AGBL4: variants seen among roughly 807,000 people sequenced by gnomAD.
The protein encoded by AGBL4 is cytosolic carboxypeptidase 6.
A neutral mutation model predicts 66.4 loss-of-function variants in AGBL4; 58 were observed. The observed-to-expected ratio is 0.87, with a 90% CI of 0.71 to 1.09. The LOEUF (loss-of-function observed/expected upper bound fraction) is 1.09, where lower values mean the gene tolerates loss of function less well. AGBL4 is among the 50% of genes least tolerant of loss of function. The pLI, the probability that AGBL4 is intolerant of heterozygous loss-of-function variation, is 0.00. For missense variants in AGBL4, 579 were observed against 631.0 expected (o/e 0.92, Z 0.88); for synonymous variants, 234 against 222.9 (o/e 1.05, Z -0.44).
intron 3 of AGBL4, among the ~76,000 whole-genome samples, chr1:49,603,541 A>AATAAATAAATAT (rs1467760594): frequency 1.4e-5 from 2 of 141,712 alleles, no homozygotes; most frequent in Non-Finnish European, 3.2e-5. Flanking sequence ...TAAATAAATA[A>AATAAATAAATAT]ATAAATAAAT....
chr1:49,535,392 G>A (rs994597169), intron 3 of AGBL4, among the ~76,000 whole-genome samples: 1 of 147,644 alleles, frequency 6.8e-6, no homozygotes, highest in African/African-American at 2.5e-5. Flanking sequence ...AATAAGATAA[G>A]ATAAAAATAA....
chr1:49,383,260 C>T (rs1644662204), intron 3 of AGBL4, among the ~76,000 whole-genome samples: 1 of 152,040 alleles, frequency 6.6e-6, no homozygotes, highest in East Asian at 1.9e-4. Flanking sequence ...ATTGTGATCA[C>T]AATGACATTT....
At chr1:49,950,646 T>A (rs1656074884) in intron 1 of AGBL4, among the ~76,000 whole-genome samples, 1 of 150,198 alleles carries the variant, frequency 6.7e-6, no homozygotes, top group Admixed American at 6.7e-5. Flanking sequence ...ATAATGAAAG[T>A]TCAACGAAGA....
intron 3 of AGBL4, among the ~76,000 whole-genome samples, chr1:49,387,102 T>C (rs1308054883): frequency 6.6e-6 from 1 of 151,920 alleles, no homozygotes; most frequent in African/African-American, 2.4e-5. Context: ...CAAGTTCTAG[T>C]TCTGCTATAT....
intron 6 of AGBL4, among the ~76,000 whole-genome samples, chr1:48,786,632 T>C (rs75882223): frequency 0.025 from 3,792 of 152,314 alleles, 136 homozygotes; most frequent in African/African-American, 0.087. Context: ...GACTACATTA[T>C]CTGTGGTTTC....
At chr1:48,556,709 G>A (rs1644326539) in intron 11 of AGBL4, among the ~76,000 whole-genome samples, 1 of 152,166 alleles carries the variant, frequency 6.6e-6, no homozygotes. Flanking sequence ...GAGCCTCCTG[G>A]CACTCCTTCA....
At chr1:49,887,361 C>T (rs1045635080) in intron 1 of AGBL4, among the ~76,000 whole-genome samples, 8 of 151,392 alleles carry the variant, frequency 5.3e-5, no homozygotes, top group African/African-American at 1.9e-4. Flanking sequence ...AAAAAGGTAA[C>T]ATGATACAAA....
intron 5 of AGBL4, among the ~76,000 whole-genome samples, chr1:48,957,317 G>T (rs1406087943): frequency 1.3e-5 from 2 of 152,082 alleles, no homozygotes; most frequent in African/African-American, 4.8e-5. Flanking sequence ...TACAGCTCTA[G>T]TTCATGTATT....
chr1:49,849,856 T>A (rs1049573845), intron 2 of AGBL4, among the ~76,000 whole-genome samples: 17 of 152,124 alleles, frequency 1.1e-4, no homozygotes, highest in African/African-American at 4.1e-4. Flanking sequence ...AATCAAGACA[T>A]TTAATCTTTT....
intron 9 of AGBL4, among the ~76,000 whole-genome samples, chr1:48,602,660 C>T (rs1273489893): frequency 6.6e-6 from 1 of 152,100 alleles, no homozygotes; most frequent in African/African-American, 2.4e-5. Context: ...AAATTATGTA[C>T]TTTATCCTAG....
At chr1:49,327,465 T>G (rs956174418) in intron 3 of AGBL4, among the ~76,000 whole-genome samples, 7 of 152,204 alleles carry the variant, frequency 4.6e-5, no homozygotes, top group African/African-American at 1.7e-4. Context: ...TTATAAACAA[T>G]AGAATTTTAT....
intron 3 of AGBL4, among the ~76,000 whole-genome samples, chr1:49,683,220 G>A (rs548168515): frequency 6.6e-6 from 1 of 152,198 alleles, no homozygotes; most frequent in South Asian, 2.1e-4. Flanking sequence ...ATATCAGCCT[G>A]GGAAGAAAAT....
rs1262673394 is a variant in AGBL4, at chr1:49,097,490, T to C, written c.378-51690A>G. 2.0e-5 allele frequency among the ~76,000 whole-genome samples: 3 copies of C among 152,192 alleles called. No homozygotes were observed. The East Asian group carries it at 5.8e-4, about 29-fold the overall frequency. ...ATACTTAATTTAAAAAAACCAGTGTTCTGATTCACTGATGCACCTGGACTC... is the reference window on the plus strand; with the variant it reads ...ATACTTAATTTAAAAAAACCAGTGTCCTGATTCACTGATGCACCTGGACTC... On this transcript the variant is annotated intron_variant, in intron 4 of 13. Transcript: ENST00000371839.
chr1:49,243,877 T>C (rs1651429308), intron 4 of AGBL4, among the ~76,000 whole-genome samples: 1 of 151,764 alleles, frequency 6.6e-6, no homozygotes, highest in Non-Finnish European at 1.5e-5. Flanking sequence ...CAAACTCAAT[T>C]CTGAAACTTT....
chr1:48,971,322 T>C (rs897305466), intron 5 of AGBL4, among the ~76,000 whole-genome samples: 8 of 152,126 alleles, frequency 5.3e-5, no homozygotes, highest in African/African-American at 1.7e-4. Flanking sequence ...GAGAATCCAA[T>C]GCCTGATGAT....
At chr1:49,713,597 A>G (rs1647840643) in intron 2 of AGBL4, among the ~76,000 whole-genome samples, 1 of 152,142 alleles carries the variant, frequency 6.6e-6, no homozygotes, top group East Asian at 1.9e-4. Context: ...TTGAATATTT[A>G]TATATACCAT....
chr1:48,805,257 T>C (rs1645897773), intron 6 of AGBL4, among the ~76,000 whole-genome samples: 1 of 152,204 alleles, frequency 6.6e-6, no homozygotes, highest in African/African-American at 2.4e-5. Context: ...AAATGACATC[T>C]AACTAAGTTT....
At chr1:48,693,548 G>T (rs953597935) in intron 6 of AGBL4, among the ~76,000 whole-genome samples, 2 of 152,110 alleles carry the variant, frequency 1.3e-5, no homozygotes, top group African/African-American at 4.8e-5. Context: ...GCGTGCTTTC[G>T]TGCAAGGCAG....
At chr1:49,408,013 TC>T (rs897940573) in intron 3 of AGBL4, among the ~76,000 whole-genome samples, 1 of 152,174 alleles carries the variant, frequency 6.6e-6, no homozygotes, top group African/African-American at 2.4e-5. Flanking sequence ...GAGGTCACAT[TC>T]CCAGCTCAGA....
Sources: allele counts gnomAD v4.1 joint callset (sites outside exome capture counted in the v4.1 genomes callset), GRCh38; gene constraint gnomAD v4.1.1; transcripts MANE v1.5; gene names NCBI Gene and HGNC (gene_info 2026-07-23, HGNC 2026-07-21).